SOX5: variants seen among roughly 807,000 people sequenced by gnomAD.
The protein encoded by SOX5 is transcription factor SOX-5.
In SOX5, 9 loss-of-function variants were observed where a neutral mutation model predicts 92.0. The ratio of observed to expected loss-of-function variants is 0.10; its 90% CI spans 0.06 to 0.17. SOX5 has a LOEUF of 0.17. SOX5 is among the 10% of genes least tolerant of loss of function. The probability of loss-of-function intolerance (pLI) is 1.00; values close to 1 mark genes in which losing one functional copy is unlikely to be tolerated. For missense variants in SOX5, 642 were observed against 944.5 expected (o/e 0.68, Z 4.20); for synonymous variants, 344 against 336.3 (o/e 1.02, Z -0.25).
chr12:24,137,934 C>G (rs1253748919), intron 4 of SOX5, among the ~76,000 whole-genome samples: 1 of 152,178 alleles, frequency 6.6e-6, no homozygotes, highest in Non-Finnish European at 1.5e-5. Flanking sequence ...ATCTTTTGAA[C>G]TACAGTAGCC....
intron 2 of SOX5, among the ~76,000 whole-genome samples, chr12:23,888,050 C>T (rs889210617): frequency 6.6e-6 from 1 of 151,828 alleles, no homozygotes; most frequent in African/African-American, 2.4e-5. Context: ...CTGTGAGGCT[C>T]CTGTATCAGG....
At chr12:23,556,322 G>A (rs770205262) in intron 11 of SOX5, among the ~76,000 whole-genome samples, 6 of 152,084 alleles carry the variant, frequency 3.9e-5, no homozygotes, top group Non-Finnish European at 7.4e-5. Flanking sequence ...CTGATAATAA[G>A]AAGGCAAATA....
chr12:24,483,736 C>T (rs1435039749), intron 1 of SOX5, among the ~76,000 whole-genome samples: 1 of 152,150 alleles, frequency 6.6e-6, no homozygotes, highest in Admixed American at 6.5e-5. Flanking sequence ...TAATTTGGCT[C>T]CAATGAGCCT....
intron 2 of SOX5, among the ~76,000 whole-genome samples, chr12:23,878,289 A>C (rs2096950703): frequency 6.6e-6 from 1 of 152,054 alleles, no homozygotes; most frequent in African/African-American, 2.4e-5. Flanking sequence ...CGCCTCATCC[A>C]TTTGTCAAAG....
intron 4 of SOX5, among the ~76,000 whole-genome samples, chr12:24,168,825 C>T (rs1426661228): frequency 6.6e-6 from 1 of 152,116 alleles, no homozygotes; most frequent in East Asian, 1.9e-4. Flanking sequence ...CGTGCATGTG[C>T]CTGTAGGTCA....
intron 4 of SOX5, among the ~76,000 whole-genome samples, chr12:24,155,598 T>C (rs1444395289): frequency 2.6e-5 from 4 of 152,172 alleles, no homozygotes; most frequent in Non-Finnish European, 4.4e-5. Context: ...ACTTCTTTCC[T>C]TGAAGCATGT....
chr12:23,647,211 C>T (rs117287471), intron 7 of SOX5, among the ~76,000 whole-genome samples: 1,584 of 152,246 alleles, frequency 0.01, 18 homozygotes, highest in Middle Eastern at 0.034. Context: ...TCTTGGGTGA[C>T]TGGGTGCAAC....
chr12:23,760,439 C>A (rs1325377270), intron 3 of SOX5, among the ~76,000 whole-genome samples: 1 of 151,972 alleles, frequency 6.6e-6, no homozygotes, highest in Admixed American at 6.6e-5. Flanking sequence ...ATAAAATATA[C>A]CCTTCATCAT....
intron 2 of SOX5, among the ~76,000 whole-genome samples, chr12:24,316,430 G>T (rs1949702772): frequency 6.6e-6 from 1 of 152,154 alleles, no homozygotes; most frequent in Non-Finnish European, 1.5e-5. Context: ...TTATCTGAAT[G>T]ATCTGCCATG....
intron 2 of SOX5, among the ~76,000 whole-genome samples, chr12:23,861,127 T>C (rs910171443): frequency 6.6e-6 from 1 of 152,032 alleles, no homozygotes; most frequent in African/African-American, 2.4e-5. Context: ...AAAGATATCA[T>C]TGTAAAACTA....
intron 4 of SOX5, among the ~76,000 whole-genome samples, chr12:24,066,722 A>T (rs1455804996): frequency 6.6e-6 from 1 of 152,256 alleles, no homozygotes; most frequent in Non-Finnish European, 1.5e-5. Context: ...AAAAGTTCAC[A>T]ATCATTCTTA....
In SOX5 at chr12:23,803,705, C is replaced by A. The variant is rs115738303; in HGVS notation, c.481+42278G>T. Among the ~76,000 whole-genome samples, 187 of 152,300 alleles carry A rather than the reference C, an allele frequency of 1.2e-3. 1 individual carries two copies. The highest frequency in any genetic ancestry group is 4.4e-3 in the African/African-American group (183 of 41,564). On this transcript the variant is annotated intron_variant, in intron 3 of 14. Coordinates refer to ENST00000451604, the MANE Select transcript of SOX5 (RefSeq NM_006940.6). ...AATTGTGAAATAGTGTGATTAAGTG[C>A]TGTGAGGTAGAAACAGTAAATCTTA...
intron 1 of SOX5, among the ~76,000 whole-genome samples, chr12:24,409,634 C>T (rs539149678): frequency 6.6e-6 from 1 of 152,218 alleles, no homozygotes; most frequent in African/African-American, 2.4e-5. Context: ...ACCTGTTTTG[C>T]AGAATTTTAC....
In SOX5 at chr12:24,101,778, G is replaced by T. The variant is rs73275490; in HGVS notation, c.-2+111565C>A. Among the ~76,000 whole-genome samples, 1,183 of 152,250 alleles carry T rather than the reference G, an allele frequency of 7.8e-3. 14 individuals carry two copies. Among genetic ancestry groups the T allele is most frequent in the African/African-American group, 0.027 (1,126 of 41,542 alleles). ...CTCACCTGCCTTATTAAGTTGGAAA[G>T]ATTTGCTCAGGGAATGCAAGCTGTT... On this transcript the variant is annotated intron_variant, in intron 4 of 4. Coordinates refer to the SOX5 transcript ENST00000446891.
intron 3 of SOX5, among the ~76,000 whole-genome samples, chr12:24,269,917 T>G (rs1245750912): frequency 7.2e-6 from 1 of 139,118 alleles, no homozygotes; most frequent in Non-Finnish European, 1.5e-5. Flanking sequence ...ACTCCTGAGC[T>G]CAAGGCATCT....
At chr12:24,208,921 C>G (rs928308488) in intron 4 of SOX5, among the ~76,000 whole-genome samples, 1 of 151,898 alleles carries the variant, frequency 6.6e-6, no homozygotes, top group Non-Finnish European at 1.5e-5. Context: ...AGCATGATAA[C>G]GGTTATTGAT....
intron 1 of SOX5, among the ~76,000 whole-genome samples, chr12:24,403,817 T>C (rs971073291): frequency 2.0e-5 from 3 of 152,232 alleles, no homozygotes; most frequent in African/African-American, 7.2e-5. Context: ...AAGCACCTAT[T>C]AGAATTTTGG....
rs531067770 is a variant in SOX5, at chr12:24,484,175, A to T, written c.-251+78154T>A. On this transcript the variant is annotated intron_variant, in intron 1 of 4. Transcript: ENST00000446891. ...TCATTTAGCCAAGCTGTATATATTT[A>T]GTTCTTCTAATCTTTTCTCATAAGT... Among the ~76,000 whole-genome samples the T allele has an allele frequency of 4.6e-5, 7 of 152,278 alleles. No individual in the cohort carries two copies. In the South Asian group the frequency reaches 1.5e-3, roughly 32 times the overall value.
At chr12:23,804,218 A>G (rs796230797) in intron 3 of SOX5, among the ~76,000 whole-genome samples, 15 of 152,302 alleles carry the variant, frequency 9.8e-5, no homozygotes, top group African/African-American at 3.4e-4. Context: ...TACAAATTCT[A>G]TAAAGTAACA....
Sources: gnomAD v4.1 joint callset for allele counts (sites outside exome capture counted in the v4.1 genomes callset) on GRCh38, gnomAD v4.1.1 for gene constraint, MANE v1.5 for transcripts, NCBI Gene and HGNC (gene_info 2026-07-23, HGNC 2026-07-21) for gene names.